NOB1: variants seen among roughly 807,000 people sequenced by gnomAD.
The protein encoded by NOB1 is NIN1 (RPN12) binding protein 1 homolog, also known as RNA-binding protein NOB1.
In NOB1, 44 loss-of-function variants were observed where a neutral mutation model predicts 44.8. The ratio of observed to expected loss-of-function variants is 0.98; its 90% CI spans 0.77 to 1.26. NOB1 has a LOEUF of 1.26. Among genes scored for constraint, NOB1 ranks in the 50% most tolerant of loss-of-function variants. The pLI, the probability that NOB1 is intolerant of heterozygous loss-of-function variation, is 0.00. For synonymous variants in NOB1, 238 were observed against 218.7 expected (o/e 1.09, Z -0.78); for missense variants, 560 against 544.8 (o/e 1.03, Z -0.28).
intron 8 of NOB1, among the ~76,000 whole-genome samples, chr16:69,743,627 C>G (rs1311769244): frequency 6.9e-6 from 1 of 145,954 alleles, no homozygotes; most frequent in Admixed American, 7.0e-5. Flanking sequence ...AAAGGACATT[C>G]TACAAAGGAA....
In NOB1 at chr16:69,742,026, G is replaced by A. The variant is rs190247796; in HGVS notation, c.*306C>T. 1.8e-4 allele frequency: 55 copies of A among 304,346 alleles called. No homozygotes were observed. The highest frequency in any genetic ancestry group is 5.2e-4 in the Admixed American group (11 of 21,312). The allele number at this position is 304,346 out of a possible 1,614,324, so 18.9% of individuals were successfully genotyped here. A position where few individuals can be genotyped will look rare whatever the true frequency, so the allele number is the denominator to read the frequency against. ...ATTAAATGCACAGGAGGTTGCAGCCGCATTTATTAGAAAAATATTATCCTT... is the reference window on the plus strand; with the variant it reads ...ATTAAATGCACAGGAGGTTGCAGCCACATTTATTAGAAAAATATTATCCTT... On this transcript the variant is annotated 3_prime_UTR_variant, in exon 9 of 9. Coordinates refer to ENST00000268802, the MANE Select transcript of NOB1 (RefSeq NM_014062.3).
chr16:69,744,742 T>A, intron 8 of NOB1, 131 bp downstream of exon 8: 30 of 951,558 alleles, frequency 3.2e-5, no homozygotes, highest in East Asian at 8.9e-5. Context: ...CTCTCCCCAC[T>A]CCGTCTTGGT....
intron 3 of NOB1, 53 bp from the exon 4 acceptor site, chr16:69,749,683 A>G (rs1178505435): frequency 1.8e-5 from 25 of 1,421,542 alleles, no homozygotes; most frequent in Non-Finnish European, 2.2e-5. Flanking sequence ...AAAGATATCC[A>G]GTTTTTTTTT....
chr16:69,749,676 G>T, intron 3 of NOB1, 46 bp from the exon 4 acceptor site: 1 of 1,459,182 alleles, frequency 6.9e-7, no homozygotes, highest in Non-Finnish European at 9.4e-7. Context: ...CAAAATTAAA[G>T]ATATCCAGTT....
At chr16:69,747,066 C>G (rs1597615757) in intron 7 of NOB1, among the ~76,000 whole-genome samples, 1 of 150,752 alleles carries the variant, frequency 6.6e-6, no homozygotes, top group Admixed American at 6.6e-5. Context: ...ACTAAAAATA[C>G]AAAAAATTAG....
At chr16:69,749,684 G>GTTTT in intron 3 of NOB1, 54 bp from the exon 4 acceptor site, 3 of 1,206,580 alleles carry the variant, frequency 2.5e-6, no homozygotes, top group South Asian at 2.9e-5. Context: ...AAGATATCCA[G>GTTTT]TTTTTTTTTT....
At chr16:69,748,743 T>C (rs2038455092) in intron 6 of NOB1, 175 bp downstream of exon 6, 3 of 597,828 alleles carry the variant, frequency 5.0e-6, no homozygotes, top group Non-Finnish European at 8.8e-6. Context: ...ATGTTGTCAT[T>C]ATATGACGAT....
chr16:69,749,702 G>T, intron 3 of NOB1, 72 bp from the exon 4 acceptor site: 1 of 1,155,352 alleles, frequency 8.7e-7, no homozygotes, highest in Non-Finnish European at 1.2e-6. Flanking sequence ...TTTTGGCCGG[G>T]CACGATGGCT....
chr16:69,752,307 A>G lies in NOB1; in HGVS notation c.261T>C (p.Leu87=), dbSNP rs1317121050. ...PSLSATDIQV[L]ALTYQLEAEF... ...CTGCTTCCAACTGGTATGTGAGTGC[A>G]AGCACTTGGATGTCCGTGGCAGAGA... Residue 87 remains leucine (L), a synonymous_variant, in exon 3 of 9, where the codon CTT becomes CTC. Coordinates refer to ENST00000268802, the MANE Select transcript of NOB1 (RefSeq NM_014062.3). 23 of 1,613,760 alleles carry G rather than the reference A, an allele frequency of 1.4e-5. No homozygotes were observed. Among genetic ancestry groups the G allele is most frequent in the Non-Finnish European group, 1.9e-5 (22 of 1,179,942 alleles).
chr16:69,749,082 C>G lies in NOB1; in HGVS notation c.562G>C (p.Glu188Gln), dbSNP rs756162538. The change falls in exon 6 of 9, where the codon GAG (glutamate) becomes CAG (glutamine). Residue 188 changes from glutamate (E) to glutamine (Q), a missense_variant. Coordinates refer to ENST00000268802, the MANE Select transcript of NOB1 (RefSeq NM_014062.3). ...RGEDVPSEEE[E>Q]EEENGFEDRK... The stretch of plus-strand genomic sequence containing the variant: ...TCTTCAAACCCGTTTTCTTCCTCCT[C>G]CTCCTCCTCACTTGGAACGTCCTCA... 4 of 1,614,138 alleles carry G rather than the reference C, an allele frequency of 2.5e-6. No homozygotes were observed. The highest frequency in any genetic ancestry group is 1.1e-5 in the South Asian group (1 of 91,094).
rs762247376 is a variant in NOB1, at chr16:69,744,940, C to T, written c.902G>A (p.Ser301Asn). 5 of 1,614,200 alleles carry T rather than the reference C, an allele frequency of 3.1e-6. No homozygotes were observed. In the Admixed American group the frequency reaches 5.0e-5, roughly 16 times the overall value. Residue 301 changes from serine to asparagine, a missense_variant, in exon 8 of 9, where the codon AGC becomes AAC. By Grantham distance (46) the Ser-to-Asn change is conservative. Coordinates refer to ENST00000268802, the MANE Select transcript of NOB1 (RefSeq NM_014062.3). Reference sequence around the variant, plus strand: ...GTGCATGTGCAGGGTGCCGTCGTCGCTGACGGTCACGGACACTTTCTTCAG... The same window carrying T: ...GTGCATGTGCAGGGTGCCGTCGTCGTTGACGGTCACGGACACTTTCTTCAG... ...KTLKKVSVTV[S>N]DDGTLHMHFS...
chr16:69,746,605 CTTA>C (rs1356999095), intron 7 of NOB1, among the ~76,000 whole-genome samples: 1 of 152,222 alleles, frequency 6.6e-6, no homozygotes, highest in Non-Finnish European at 1.5e-5. Flanking sequence ...CCTTCTCAAT[CTTA>C]TTAAGCATCT....
chr16:69,749,137 T>G lies in NOB1; in HGVS notation c.526-19A>C. 1 of 1,614,110 alleles carries G rather than the reference T, an allele frequency of 6.2e-7. No individual in the cohort carries two copies. Among genetic ancestry groups the G allele is most frequent in the Non-Finnish European group, 8.5e-7 (1 of 1,179,950 alleles). ...TGTCAATCTGAAACATCAACAGACCTTTCAAACTCCCAACCCACAGGAGCA... is the reference window on the plus strand; with the variant it reads ...TGTCAATCTGAAACATCAACAGACCGTTCAAACTCCCAACCCACAGGAGCA... On this transcript the variant is annotated intron_variant, in intron 5 of 8. Coordinates refer to ENST00000268802, the MANE Select transcript of NOB1 (RefSeq NM_014062.3).
chr16:69,753,278 A>T (rs2038497913), intron 2 of NOB1, among the ~76,000 whole-genome samples: 1 of 152,234 alleles, frequency 6.6e-6, no homozygotes, highest in Admixed American at 6.5e-5. Context: ...CAGTATGCTC[A>T]ACTTGTAATT....
At chr16:69,748,883 G>T in intron 6 of NOB1, 35 bp downstream of exon 6, 1 of 1,531,794 alleles carries the variant, frequency 6.5e-7, no homozygotes. Context: ...TGCCGATGAC[G>T]TGTGTGACAC....
intron 7 of NOB1, among the ~76,000 whole-genome samples, chr16:69,747,792 G>A (rs561989150): frequency 5.3e-5 from 8 of 152,242 alleles, no homozygotes; most frequent in African/African-American, 1.7e-4. Context: ...ACGGAACCCA[G>A]GCCCCAGAGG....
chr16:69,751,678 T>C (rs934295190), intron 3 of NOB1, among the ~76,000 whole-genome samples: 2 of 152,252 alleles, frequency 1.3e-5, no homozygotes, highest in Non-Finnish European at 2.9e-5. Context: ...GGTGTAATGA[T>C]GGCTTTAAAG....
chr16:69,749,187 C>T lies in NOB1; in HGVS notation c.525+26G>A, dbSNP rs757400185. The T allele has an allele frequency of 1.5e-5, 25 of 1,613,036 alleles. 1 individual carries two copies. The South Asian group carries it at 2.6e-4, about 17-fold the overall frequency. On this transcript the variant is annotated intron_variant, in intron 5 of 8. Coordinates refer to ENST00000268802, the MANE Select transcript of NOB1 (RefSeq NM_014062.3). ...AGTGGAGGAGAAGTTGAGCTGTCGT[C>T]AGAAGACCAAAAGTCAAGGCCTCAC...
intron 7 of NOB1, among the ~76,000 whole-genome samples, chr16:69,747,781 G>C (rs2151753613): frequency 6.6e-6 from 1 of 152,290 alleles, no homozygotes; most frequent in African/African-American, 2.4e-5. Context: ...CCCAGGTGGA[G>C]ACGGAACCCA....
Sources: gnomAD v4.1 joint callset for allele counts (sites outside exome capture counted in the v4.1 genomes callset) on GRCh38, gnomAD v4.1.1 for gene constraint, MANE v1.5 for transcripts, NCBI Gene and HGNC (gene_info 2026-07-23, HGNC 2026-07-21) for gene names.